The following NDUFA3 variants were observed in gnomAD, a reference collection of about 807,000 sequenced individuals.
NDUFA3 encodes the protein NADH:ubiquinone oxidoreductase subunit A3, also known as NADH dehydrogenase [ubiquinone] 1 alpha subcomplex subunit 3.
In NDUFA3, 10 loss-of-function variants were observed where a neutral mutation model predicts 11.4. The observed-to-expected ratio is 0.87, with a 90% CI of 0.54 to 1.48. NDUFA3 has a LOEUF of 1.48. Ranked by LOEUF, NDUFA3 falls within the 40% of genes most tolerant of loss-of-function variation. The pLI is 0.00. For synonymous variants in NDUFA3, 39 were observed against 46.9 expected (o/e 0.83, Z 0.68); for missense variants, 115 against 110.5 (o/e 1.04, Z -0.18).
intron 2 of NDUFA3, 160 bp from the exon 3 acceptor site, chr19:54,105,771 TATA>T (rs1166418034): frequency 1.4e-6 from 1 of 703,260 alleles, no homozygotes; most frequent in African/African-American, 1.8e-5. Flanking sequence ...CCCTCCTGTC[TATA>T]AGTAGGGATC....
chr19:54,104,620 G>A (rs1308523305), intron 2 of NDUFA3, among the ~76,000 whole-genome samples: 1 of 152,194 alleles, frequency 6.6e-6, no homozygotes, highest in Non-Finnish European at 1.5e-5. Flanking sequence ...GGTATGAATT[G>A]AGGTGGTATA....
At chr19:54,104,135 C>CTTT (rs58827171) in intron 2 of NDUFA3, among the ~76,000 whole-genome samples, 7 of 88,624 alleles carry the variant, frequency 7.9e-5, no homozygotes, top group Non-Finnish European at 1.1e-4. Context: ...GCCCGGCCAG[C>CTTT]TTTTTTTTTT....
intron 2 of NDUFA3, chr19:54,105,601 G>C (rs1266444687): frequency 1.8e-6 from 1 of 562,120 alleles, no homozygotes; most frequent in Non-Finnish European, 3.5e-6. Flanking sequence ...CTCCAGAACA[G>C]TCCCATGACA....
chr19:54,106,471 T>A (rs1171846140), intron 3 of NDUFA3: 1 of 377,476 alleles, frequency 2.6e-6, no homozygotes, highest in Non-Finnish European at 4.8e-6. Context: ...GCCTGGCCTG[T>A]GCTTCGAGTT....
chr19:54,103,246 T>TC (rs2073145388), intron 2 of NDUFA3, 58 bp downstream of exon 2: 1 of 1,509,942 alleles, frequency 6.6e-7, no homozygotes, highest in South Asian at 1.3e-5. Context: ...CCTACATCCC[T>TC]CCATCTTGTA....
intron 3 of NDUFA3, 108 bp from the exon 4 acceptor site, chr19:54,106,703 C>A: frequency 1.1e-6 from 1 of 877,240 alleles, no homozygotes; most frequent in Non-Finnish European, 1.7e-6. Context: ...CTTCCCCTCT[C>A]ACCCCTGGGG....
Position 54,106,823 on chromosome 19 carries a change from A to T in NDUFA3, c.176A>T (p.Asp59Val). 1 of 1,612,996 alleles carries T rather than the reference A, an allele frequency of 6.2e-7. No homozygotes were observed. The highest frequency in any genetic ancestry group is 2.2e-5 in the East Asian group (1 of 44,844). ...TCCTGCCCCACAGTGCCCGTCCGTG[A>T]TGATGGGAACATGCCCGACGTGCCC... is the stretch of plus-strand genomic sequence containing the variant. ...TPYNYPVPVRDDGNMPDVPSH... is the reference protein window; with the variant it reads ...TPYNYPVPVRVDGNMPDVPSH... The change falls in exon 4 of 4, where the codon GAT becomes GTT. Residue 59 changes from aspartate (D) to valine (V), a missense_variant. Transcript: ENST00000485876.
At chr19:54,104,119 C>T (rs1408207665) in intron 2 of NDUFA3, among the ~76,000 whole-genome samples, 1 of 149,554 alleles carries the variant, frequency 6.7e-6, no homozygotes, top group Non-Finnish European at 1.5e-5. Context: ...AGGCGTGAGC[C>T]ACCGCGCCCG....
At position 54,106,491 on chromosome 19, in the gene NDUFA3, T is replaced by C. The variant is rs1248679062; in HGVS notation, c.164-320T>C. 2.0e-5 allele frequency: 8 copies of C among 407,428 alleles called. No homozygotes were observed. The Admixed American group carries it at 2.1e-4, about 11-fold the overall frequency. The allele number at this position is 407,428 out of a possible 1,614,324, so 25.2% of individuals were successfully genotyped here. A position where few individuals can be genotyped will look rare whatever the true frequency, so the allele number is the denominator to read the frequency against. On this transcript the variant is annotated intron_variant, in intron 3 of 3. Coordinates refer to ENST00000485876, the MANE Select transcript of NDUFA3 (RefSeq NM_004542.4). ...GCCTGTGCTTCGAGTTTCTATTACC[T>C]TTCCAGATTTCTGTCTCTCTCTGGG...
intron 2 of NDUFA3, among the ~76,000 whole-genome samples, chr19:54,104,060 C>A (rs1221419699): frequency 6.6e-6 from 1 of 151,404 alleles, no homozygotes; most frequent in Admixed American, 6.6e-5. Context: ...GTCTCGATCT[C>A]CTAACCTCGT....
rs587616749 is a variant in NDUFA3, at chr19:54,105,901, T to G, written c.86-33T>G. ...TCTTCCCCTCTCTTCAGAGCCACCT[T>G]CCCCTGGGCCTCACCCCTGTGTCTC... On this transcript the variant is annotated intron_variant, in intron 2 of 3. Transcript: ENST00000485876. 5.1e-6 allele frequency: 8 copies of G among 1,560,372 alleles called. No individual in the cohort carries two copies. In the African/African-American group the frequency reaches 1.1e-4, roughly 21 times the overall value.
At chr19:54,105,841 C>G in intron 2 of NDUFA3, 93 bp from the exon 3 acceptor site, 1 of 1,074,132 alleles carries the variant, frequency 9.3e-7, no homozygotes, top group Admixed American at 1.7e-5. Context: ...CCTCCCCCTG[C>G]GCACTTTATC....
At position 54,103,120 on chromosome 19, in the gene NDUFA3, G is replaced by A; in HGVS notation, c.17G>A (p.Gly6Asp). The A allele has an allele frequency of 6.2e-7, 1 of 1,612,312 alleles. No homozygotes were observed. Among genetic ancestry groups the A allele is most frequent in the Non-Finnish European group, 8.5e-7 (1 of 1,179,078 alleles). MAARV[G>D]AFLKNAWDKE... ...CTTCTTGCCACCCCTTCAGGAGTCG[G>A]CGCCTTCCTCAAGAATGCCTGGGAC... Residue 6 changes from glycine (G) to aspartate (D), a missense_variant, in exon 2 of 4, where the codon GGC becomes GAC. By Grantham distance (94) the Gly-to-Asp change is moderately conservative. Transcript: ENST00000485876.
chr19:54,106,596 C>G (rs932982320), intron 3 of NDUFA3: 2 of 490,974 alleles, frequency 4.1e-6, no homozygotes, highest in Admixed American at 7.8e-5. Flanking sequence ...CCCTAGCTCT[C>G]TAGTGCGCGG....
At chr19:54,103,315 A>C in intron 2 of NDUFA3, 127 bp downstream of exon 2, 2 of 929,000 alleles carry the variant, frequency 2.2e-6, no homozygotes, top group Non-Finnish European at 3.1e-6. Context: ...CCCCCACGGC[A>C]TCCCCTTATC....
chr19:54,103,105 C>T lies in NDUFA3; in HGVS notation c.11-9C>T, dbSNP rs1285369494. The T allele has an allele frequency of 6.2e-7, 1 of 1,611,972 alleles. No homozygotes were observed. The highest frequency in any genetic ancestry group is 1.7e-5 in the Admixed American group (1 of 59,770). ...CTTGCAGGGGTGACGCTTCTTGCCACCCCTTCAGGAGTCGGCGCCTTCCTC... is the reference window on the plus strand; with the variant it reads ...CTTGCAGGGGTGACGCTTCTTGCCATCCCTTCAGGAGTCGGCGCCTTCCTC... On this transcript the variant is annotated splice_polypyrimidine_tract_variant and intron_variant, in intron 1 of 3. Transcript: ENST00000485876.
intron 1 of NDUFA3, 63 bp downstream of exon 1, chr19:54,102,951 G>T: frequency 6.3e-7 from 1 of 1,589,140 alleles, no homozygotes; most frequent in Non-Finnish European, 8.6e-7. Context: ...GGGCGGTCCT[G>T]GGACTGAGGT....
intron 1 of NDUFA3, 37 bp downstream of exon 1, chr19:54,102,925 A>G: frequency 2.5e-6 from 4 of 1,605,472 alleles, no homozygotes; most frequent in Non-Finnish European, 3.4e-6. Context: ...GGGCTCGGGT[A>G]GTTCTGGGAA....
intron 3 of NDUFA3, chr19:54,106,604 C>G (rs1042866131): frequency 2.0e-6 from 1 of 496,908 alleles, no homozygotes; most frequent in Non-Finnish European, 3.5e-6. Context: ...CTCTAGTGCG[C>G]GGGATCTCTC....
Sources: allele counts gnomAD v4.1 joint callset (sites outside exome capture counted in the v4.1 genomes callset), GRCh38; gene constraint gnomAD v4.1.1; transcripts MANE v1.5; gene names NCBI Gene and HGNC (gene_info 2026-07-23, HGNC 2026-07-21).